The following MINDY2 variants were observed in gnomAD, a reference collection of about 807,000 sequenced individuals.
MINDY2 encodes the protein ubiquitin carboxyl-terminal hydrolase MINDY-2.
MINDY2 carries 52 observed loss-of-function variants against 68.2 expected under a neutral mutation model. The ratio of observed to expected loss-of-function variants is 0.76; its 90% CI spans 0.61 to 0.96. The LOEUF (loss-of-function observed/expected upper bound fraction) is 0.96, where lower values mean the gene tolerates loss of function less well. MINDY2 is among the 40% of genes least tolerant of loss of function. The pLI is 0.00. For synonymous variants in MINDY2, 372 were observed against 303.0 expected, an observed-to-expected ratio of 1.23 and a Z score of -2.36; for missense variants, 881 against 773.4, an observed-to-expected ratio of 1.14 and a Z score of -1.65.
chr15:58,801,926 A>G (rs548699364), intron 2 of MINDY2, among the ~76,000 whole-genome samples: 1 of 152,198 alleles, frequency 6.6e-6, no homozygotes, highest in Admixed American at 6.5e-5. Context: ...CCAGATGCCA[A>G]ACTTCTTTTT....
At chr15:58,772,331 C>T in intron 1 of MINDY2, 96 bp downstream of exon 1, 1 of 1,528,752 alleles carries the variant, frequency 6.5e-7, no homozygotes, top group Non-Finnish European at 8.8e-7. Flanking sequence ...TCCTTTCTTT[C>T]CTCATTCATC....
chr15:58,823,037 AT>A (rs1341429477), intron 5 of MINDY2, among the ~76,000 whole-genome samples: 27 of 152,150 alleles, frequency 1.8e-4, no homozygotes, highest in African/African-American at 6.3e-4. Flanking sequence ...AACTAATTAC[AT>A]TACTTAATTA....
intron 3 of MINDY2, among the ~76,000 whole-genome samples, chr15:58,806,425 G>A (rs567899937): frequency 2.1e-4 from 30 of 145,888 alleles, no homozygotes; most frequent in African/African-American, 6.7e-4. Flanking sequence ...TGGTGCTATC[G>A]TGGCTCACTG....
chr15:58,791,327 A>G (rs1901897109), intron 2 of MINDY2, among the ~76,000 whole-genome samples: 1 of 147,724 alleles, frequency 6.8e-6, no homozygotes, highest in Admixed American at 7.0e-5. Flanking sequence ...AATGTTCTGT[A>G]TCTGTGCTGT....
chr15:58,799,892 T>G lies in MINDY2; in HGVS notation c.899-2421T>G, dbSNP rs545147452. 1.6e-3 allele frequency among the ~76,000 whole-genome samples: 240 copies of G among 152,224 alleles called. 1 individual carries two copies. Among genetic ancestry groups the G allele is most frequent in the African/African-American group, 5.5e-3 (228 of 41,528 alleles). Reference sequence around the variant, plus strand: ...CAGGAAATGGGCAGGAATATGAAACTCAACATAAACTGGAATGTATATTGT... The same window carrying G: ...CAGGAAATGGGCAGGAATATGAAACGCAACATAAACTGGAATGTATATTGT... On this transcript the variant is annotated intron_variant, in intron 2 of 8. Transcript: ENST00000559228.
At chr15:58,837,762 T>TA (rs1233943195) in intron 6 of MINDY2, among the ~76,000 whole-genome samples, 2 of 151,812 alleles carry the variant, frequency 1.3e-5, no homozygotes, top group African/African-American at 4.8e-5. Flanking sequence ...GCCCAGTAGT[T>TA]AGAGACCAGC....
rs1246100947 is a variant in MINDY2, at chr15:58,851,709, TG to T, written c.1543-61del. The stretch of plus-strand genomic sequence containing the variant: ...GCTTTATAGATATAACGTTTGTATT[TG>T]CAGTCATTCATTCTTGGGTAAAATC... On this transcript the variant is annotated intron_variant, in intron 7 of 8. Coordinates refer to ENST00000559228, the MANE Select transcript of MINDY2 (RefSeq NM_001040450.3). The T allele has an allele frequency of 3.1e-5, 39 of 1,245,044 alleles. No homozygotes were observed. The African/African-American group carries it at 5.6e-4, about 18-fold the overall frequency. The allele number at this position is 1,245,044 out of a possible 1,614,324, so 77.1% of individuals were successfully genotyped here.
At chr15:58,808,319 C>T (rs1408538248) in intron 3 of MINDY2, among the ~76,000 whole-genome samples, 1 of 152,118 alleles carries the variant, frequency 6.6e-6, no homozygotes, top group African/African-American at 2.4e-5. Context: ...ATTACAGTAT[C>T]ATACAGAATA....
intron 6 of MINDY2, among the ~76,000 whole-genome samples, chr15:58,840,960 G>A (rs550208739): frequency 4.9e-5 from 7 of 142,056 alleles, no homozygotes; most frequent in South Asian, 2.3e-4. Flanking sequence ...AAGCCACTGC[G>A]CCTGGCCAAT....
rs573358621 is a variant in MINDY2 at position 58,771,336 on chromosome 15, A to G, written c.-60A>G. ...GCCAATACAGCTGTCATGGCGTCCA[A>G]GGCGCTGGCTGCGGAGAAGTGGCCG... On this transcript the variant is annotated 5_prime_UTR_variant, in exon 1 of 9. Transcript: ENST00000559228. 102 of 1,551,268 alleles carry G rather than the reference A, an allele frequency of 6.6e-5. No homozygotes were observed. Among genetic ancestry groups the G allele is most frequent in the Admixed American group, 9.8e-5 (5 of 51,000 alleles).
chr15:58,851,925 A>C lies in MINDY2; in HGVS notation c.1697A>C (p.Gln566Pro). 1 of 1,595,380 alleles carries C rather than the reference A, an allele frequency of 6.3e-7. No homozygotes were observed. The highest frequency in any genetic ancestry group is 8.5e-7 in the Non-Finnish European group (1 of 1,175,478). Residue 566 changes from glutamine to proline, a missense_variant, in exon 8 of 9, where the codon CAA becomes CCA. By Grantham distance (76) the Gln-to-Pro change is moderately conservative. Transcript: ENST00000559228. The part of the protein sequence containing the change: ...RASQYYQEQE[Q>P]AAAAAAAAST... ...TCTCAATACTATCAGGAACAGGAAC[A>C]AGCAGCAGCTGCTGCTGCTGCTGCT...
At chr15:58,810,019 C>T (rs909562322) in intron 3 of MINDY2, among the ~76,000 whole-genome samples, 4 of 152,146 alleles carry the variant, frequency 2.6e-5, no homozygotes, top group Non-Finnish European at 5.9e-5. Context: ...TCAAGTGATC[C>T]GCCCACCTCA....
At chr15:58,806,200 A>G (rs185921596) in intron 3 of MINDY2, among the ~76,000 whole-genome samples, 29 of 151,202 alleles carry the variant, frequency 1.9e-4, no homozygotes, top group African/African-American at 6.1e-4. Context: ...CAGCCTCCCA[A>G]TTAGCTGGGA....
chr15:58,780,413 A>AG (rs1200244256), intron 1 of MINDY2, among the ~76,000 whole-genome samples: 9 of 152,166 alleles, frequency 5.9e-5, no homozygotes, highest in Admixed American at 4.6e-4. Flanking sequence ...AAAAAAAAAA[A>AG]AGAAAGAAAA....
chr15:58,776,157 T>TA (rs1160374772), intron 1 of MINDY2, among the ~76,000 whole-genome samples: 4 of 152,132 alleles, frequency 2.6e-5, no homozygotes, highest in African/African-American at 9.7e-5. Flanking sequence ...AATTACTACA[T>TA]AGAGTAAATA....
chr15:58,805,331 G>A (rs1456098573), intron 3 of MINDY2, among the ~76,000 whole-genome samples: 1 of 152,128 alleles, frequency 6.6e-6, no homozygotes, highest in Non-Finnish European at 1.5e-5. Context: ...GTGAACAGAT[G>A]TCTTCAAACC....
intron 1 of MINDY2, among the ~76,000 whole-genome samples, chr15:58,785,224 A>C (rs1901415991): frequency 6.6e-6 from 1 of 151,288 alleles, no homozygotes; most frequent in Non-Finnish European, 1.5e-5. Context: ...GGATGGCTCC[A>C]CAGTATTAGT....
intron 3 of MINDY2, among the ~76,000 whole-genome samples, chr15:58,808,578 A>G (rs1044476958): frequency 6.6e-6 from 1 of 152,140 alleles, no homozygotes; most frequent in African/African-American, 2.4e-5. Flanking sequence ...TAAAAACCAC[A>G]TATTATAAAA....
intron 6 of MINDY2, among the ~76,000 whole-genome samples, chr15:58,838,549 C>G (rs930260616): frequency 4.8e-4 from 68 of 141,194 alleles, no homozygotes; most frequent in Admixed American, 1.1e-3. Context: ...ATCTATACTT[C>G]TATTATTTTG....
Sources: allele counts gnomAD v4.1 joint callset (sites outside exome capture counted in the v4.1 genomes callset), GRCh38; gene constraint gnomAD v4.1.1; transcripts MANE v1.5; gene names NCBI Gene and HGNC (gene_info 2026-07-23, HGNC 2026-07-21).